Variants in GTF2F2 observed in about 807,000 individuals in gnomAD.
GTF2F2 encodes the protein ATP-dependent helicase GTF2F2.
In GTF2F2, 23 loss-of-function variants were observed where a neutral mutation model predicts 42.2. That is an observed-to-expected ratio of 0.55 (90% CI 0.39 to 0.77). The LOEUF is 0.77. Among genes scored for constraint, GTF2F2 ranks in the 30% least tolerant of loss-of-function variants. The pLI is 0.00. For synonymous variants in GTF2F2, 105 were observed against 100.8 expected, an observed-to-expected ratio of 1.04 and a Z score of -0.25; for missense variants, 261 against 287.2, an observed-to-expected ratio of 0.91 and a Z score of 0.66.
At chr13:45,124,826 A>T (rs1345630680) in intron 1 of GTF2F2, among the ~76,000 whole-genome samples, 1 of 152,056 alleles carries the variant, frequency 6.6e-6, no homozygotes, top group Admixed American at 6.6e-5. Flanking sequence ...GGCCTCCCAA[A>T]GTGCTGGGAT....
intron 7 of GTF2F2, among the ~76,000 whole-genome samples, chr13:45,273,098 G>A (rs533703254): frequency 4.6e-4 from 70 of 151,448 alleles, no homozygotes; most frequent in African/African-American, 1.7e-3. Context: ...GCTAATTTTC[G>A]TATTTTTTTA....
intron 4 of GTF2F2, among the ~76,000 whole-genome samples, chr13:45,204,795 G>A (rs759185773): frequency 2.6e-5 from 4 of 152,320 alleles, no homozygotes; most frequent in South Asian, 2.1e-4. Flanking sequence ...GGGAAAATTC[G>A]TTGCTGATGA....
chr13:45,169,717 T>C (rs143503144), intron 4 of GTF2F2, among the ~76,000 whole-genome samples: 1,628 of 152,356 alleles, frequency 0.011, 27 homozygotes, highest in African/African-American at 0.033. Context: ...AACACATCCC[T>C]GTAACCACCA....
chr13:45,215,023 C>A (rs756603236), intron 5 of GTF2F2, among the ~76,000 whole-genome samples: 1 of 152,064 alleles, frequency 6.6e-6, no homozygotes, highest in African/African-American at 2.4e-5. Flanking sequence ...ACACAGGTTC[C>A]CATATGATTA....
intron 4 of GTF2F2, among the ~76,000 whole-genome samples, chr13:45,194,925 A>C (rs1872816467): frequency 6.6e-6 from 1 of 152,256 alleles, no homozygotes; most frequent in South Asian, 2.1e-4. Context: ...CCAAATGTGA[A>C]TGTTTAACTA....
At chr13:45,133,025 A>G (rs574729968) in intron 1 of GTF2F2, among the ~76,000 whole-genome samples, 10 of 152,302 alleles carry the variant, frequency 6.6e-5, no homozygotes, top group Admixed American at 5.9e-4. Context: ...CAAGTGTGGC[A>G]GAGAAGAGGA....
chr13:45,252,510 T>G (rs530354064), intron 5 of GTF2F2, among the ~76,000 whole-genome samples: 1 of 152,332 alleles, frequency 6.6e-6, no homozygotes, highest in South Asian at 2.1e-4. Flanking sequence ...AATTAATAAC[T>G]TGATTGATTT....
At chr13:45,132,618 T>C (rs1351321971) in intron 1 of GTF2F2, among the ~76,000 whole-genome samples, 2 of 152,188 alleles carry the variant, frequency 1.3e-5, no homozygotes. Context: ...AGGGTGTACT[T>C]GAAGGAAATA....
chr13:45,122,148 T>C (rs1868674000), intron 1 of GTF2F2, among the ~76,000 whole-genome samples: 1 of 152,108 alleles, frequency 6.6e-6, no homozygotes, highest in Non-Finnish European at 1.5e-5. Flanking sequence ...TAGATGAAGA[T>C]GGGGACCATA....
intron 4 of GTF2F2, among the ~76,000 whole-genome samples, chr13:45,177,144 A>G (rs1325989663): frequency 6.6e-6 from 1 of 152,012 alleles, no homozygotes; most frequent in Non-Finnish European, 1.5e-5. Flanking sequence ...TTTTTCTTCC[A>G]TATGAATGAG....
intron 4 of GTF2F2, among the ~76,000 whole-genome samples, chr13:45,200,190 A>C (rs1210062992): frequency 1.3e-5 from 2 of 152,206 alleles, no homozygotes; most frequent in Non-Finnish European, 2.9e-5. Flanking sequence ...TTCCCTCCGT[A>C]TCACAAGAAA....
At chr13:45,154,903 C>G (rs966080935) in intron 4 of GTF2F2, among the ~76,000 whole-genome samples, 1 of 152,090 alleles carries the variant, frequency 6.6e-6, no homozygotes, top group East Asian at 1.9e-4. Context: ...TTCTCAATTG[C>G]CTGCATGACC....
chr13:45,145,034 C>T (rs1370917301), intron 2 of GTF2F2, among the ~76,000 whole-genome samples: 2 of 152,106 alleles, frequency 1.3e-5, no homozygotes, highest in African/African-American at 2.4e-5. Flanking sequence ...ATTCAGTTCT[C>T]GATGATGCCA....
chr13:45,130,971 G>A (rs1869312264), intron 1 of GTF2F2, among the ~76,000 whole-genome samples: 1 of 152,110 alleles, frequency 6.6e-6, no homozygotes, highest in Non-Finnish European at 1.5e-5. Flanking sequence ...GAGTATACAG[G>A]GCTGGGCACG....
rs1254531345 is a variant in GTF2F2 at position 45,122,300 on chromosome 13, C to CT, written c.66+1579_66+1580insT. ...AAAAAATGTTTGGCAGTGTGCAGTA[C>CT]GAATTAGAGGGGAGGGTAACCAGAG... On this transcript the variant is annotated intron_variant, in intron 1 of 7. Transcript: ENST00000340473. Among the ~76,000 whole-genome samples the CT allele has an allele frequency of 1.8e-4, 28 of 151,954 alleles. No homozygotes were observed. The East Asian group carries it at 5.2e-3, about 28-fold the overall frequency.
At chr13:45,224,602 A>C (rs1476103862) in intron 5 of GTF2F2, among the ~76,000 whole-genome samples, 1 of 152,200 alleles carries the variant, frequency 6.6e-6, no homozygotes, top group East Asian at 1.9e-4. Flanking sequence ...CCTTTGGGTC[A>C]CTTGGTCTTT....
intron 4 of GTF2F2, among the ~76,000 whole-genome samples, chr13:45,188,799 C>A (rs1016977396): frequency 2.6e-5 from 4 of 152,070 alleles, no homozygotes; most frequent in African/African-American, 7.2e-5. Flanking sequence ...GTGGATTATA[C>A]AGTCATAAAA....
chr13:45,210,979 G>T (rs747510104), intron 5 of GTF2F2, among the ~76,000 whole-genome samples: 1 of 152,218 alleles, frequency 6.6e-6, no homozygotes, highest in Non-Finnish European at 1.5e-5. Flanking sequence ...GGAGATGAGA[G>T]TCTCTTTTGA....
At chr13:45,137,965 C>T (rs1048113715) in intron 2 of GTF2F2, among the ~76,000 whole-genome samples, 2 of 152,172 alleles carry the variant, frequency 1.3e-5, no homozygotes, top group African/African-American at 4.8e-5. Context: ...GAGGCGAGCA[C>T]ATGTTCCTTT....
Sources: gnomAD v4.1 joint callset for allele counts (sites outside exome capture counted in the v4.1 genomes callset) on GRCh38, gnomAD v4.1.1 for gene constraint, MANE v1.5 for transcripts, NCBI Gene and HGNC (gene_info 2026-07-23, HGNC 2026-07-21) for gene names.